The following NCKAP5 variants were observed in gnomAD, a reference collection of about 807,000 sequenced individuals.
NCKAP5 encodes the protein nck-associated protein 5.
A neutral mutation model predicts 167.0 loss-of-function variants in NCKAP5; 92 were observed. That is an observed-to-expected ratio of 0.55 (90% CI 0.47 to 0.66). The LOEUF (loss-of-function observed/expected upper bound fraction) is 0.66, where lower values mean the gene tolerates loss of function less well. Ranked by LOEUF, NCKAP5 falls within the 30% of genes least tolerant of loss-of-function variation. The pLI is 0.00. For missense variants in NCKAP5, 2,378 were observed against 2,315.0 expected (o/e 1.03, Z -0.56); for synonymous variants, 891 against 877.4 (o/e 1.02, Z -0.27).
chr2:132,704,017 T>C (rs1202667400), intron 19 of NCKAP5, among the ~76,000 whole-genome samples: 7 of 152,134 alleles, frequency 4.6e-5, no homozygotes, highest in Non-Finnish European at 8.8e-5. Flanking sequence ...TGAAGCCATC[T>C]CTTACCCTTC....
At chr2:132,829,747 G>A (rs554500576) in intron 11 of NCKAP5, among the ~76,000 whole-genome samples, 4 of 152,274 alleles carry the variant, frequency 2.6e-5, no homozygotes, top group African/African-American at 7.2e-5. Flanking sequence ...GGGTGGGCCC[G>A]AGAACTTGCA....
At chr2:133,394,710 C>T (rs1433945496) in intron 3 of NCKAP5, among the ~76,000 whole-genome samples, 1 of 152,130 alleles carries the variant, frequency 6.6e-6, no homozygotes, top group East Asian at 1.9e-4. Flanking sequence ...CTTCAAAAAA[C>T]ACAGAACACC....
At chr2:132,749,737 A>ACAT (rs1679951317) in intron 16 of NCKAP5, among the ~76,000 whole-genome samples, 1 of 152,042 alleles carries the variant, frequency 6.6e-6, no homozygotes, top group Admixed American at 6.6e-5. Context: ...AAGACAAAAT[A>ACAT]CATGGGGGAA....
intron 4 of NCKAP5, among the ~76,000 whole-genome samples, chr2:133,293,080 CAG>C (rs1346505220): frequency 6.6e-6 from 1 of 152,202 alleles, no homozygotes; most frequent in African/African-American, 2.4e-5. Context: ...TTCTGCAGGA[CAG>C]AGTCTCCTAA....
chr2:133,024,608 C>T (rs968965846), intron 6 of NCKAP5, among the ~76,000 whole-genome samples: 1 of 152,098 alleles, frequency 6.6e-6, no homozygotes, highest in African/African-American at 2.4e-5. Flanking sequence ...ATTATAATTT[C>T]CCCATATTGA....
chr2:132,763,970 A>G (rs1037525005), intron 16 of NCKAP5, among the ~76,000 whole-genome samples: 1 of 152,228 alleles, frequency 6.6e-6, no homozygotes, highest in South Asian at 2.1e-4. Flanking sequence ...TGCAATCGAT[A>G]GGAGTAAACA....
At chr2:133,109,042 A>G (rs1560887) in intron 6 of NCKAP5, among the ~76,000 whole-genome samples, 1 of 152,046 alleles carries the variant, frequency 6.6e-6, no homozygotes, top group South Asian at 2.1e-4. Flanking sequence ...CTTGTTAAGG[A>G]CTAACCATTC....
At chr2:133,435,330 T>G (rs991237640) in intron 3 of NCKAP5, among the ~76,000 whole-genome samples, 1 of 152,222 alleles carries the variant, frequency 6.6e-6, no homozygotes, top group Non-Finnish European at 1.5e-5. Context: ...TAATTATTTT[T>G]TTAATCCCTG....
At chr2:133,279,297 T>C (rs773760208) in intron 4 of NCKAP5, among the ~76,000 whole-genome samples, 20 of 152,366 alleles carry the variant, frequency 1.3e-4, no homozygotes, top group Non-Finnish European at 2.4e-4. Context: ...TATCCCTATT[T>C]TATGGCTTAT....
At chr2:132,727,546 G>T (rs1467105856) in intron 18 of NCKAP5, among the ~76,000 whole-genome samples, 1 of 152,218 alleles carries the variant, frequency 6.6e-6, no homozygotes, top group Non-Finnish European at 1.5e-5. Flanking sequence ...CAAGATTGTA[G>T]CCCTTCAGGT....
intron 6 of NCKAP5, among the ~76,000 whole-genome samples, chr2:133,007,464 C>G (rs905231750): frequency 6.6e-6 from 1 of 152,122 alleles, no homozygotes; most frequent in African/African-American, 2.4e-5. Context: ...GCACCTCTCT[C>G]CAAGTTTCAG....
chr2:133,250,928 T>TCAAA (rs201137645), intron 4 of NCKAP5, among the ~76,000 whole-genome samples: 56 of 151,832 alleles, frequency 3.7e-4, no homozygotes, highest in South Asian at 2.1e-4. Flanking sequence ...AGACCCTGTC[T>TCAAA]CAAACAAACA....
At chr2:133,516,331 A>G (rs10176630) in intron 3 of NCKAP5, among the ~76,000 whole-genome samples, 2,742 of 152,222 alleles carry the variant, frequency 0.018, 91 homozygotes, top group African/African-American at 0.062. Flanking sequence ...TGGAGTTAGC[A>G]AGACGTAGGA....
the NCKAP5 span, among the ~76,000 whole-genome samples, chr2:133,671,074 G>T: frequency 6.6e-6 from 1 of 151,958 alleles, no homozygotes; most frequent in East Asian, 1.9e-4. Flanking sequence ...AATTAGCTGG[G>T]CGTGGTGGCA....
chr2:133,532,250 ATT>A (rs1685426921), intron 2 of NCKAP5, among the ~76,000 whole-genome samples: 1 of 152,214 alleles, frequency 6.6e-6, no homozygotes, highest in Admixed American at 6.5e-5. Flanking sequence ...AAGAATGGGT[ATT>A]AGTTGTCTTA....
chr2:132,748,018 A>G (rs776310445), intron 16 of NCKAP5, among the ~76,000 whole-genome samples: 22 of 152,160 alleles, frequency 1.4e-4, no homozygotes, highest in Non-Finnish European at 2.6e-4. Flanking sequence ...AATGGTGAAG[A>G]ATGGTATTAG....
intron 6 of NCKAP5, among the ~76,000 whole-genome samples, chr2:133,029,009 C>T (rs1312232647): frequency 6.6e-6 from 1 of 152,178 alleles, no homozygotes; most frequent in Non-Finnish European, 1.5e-5. Flanking sequence ...GAGGCCTCCC[C>T]AGAAGCAGAT....
At chr2:133,065,548 C>G (rs2080162671) in intron 6 of NCKAP5, among the ~76,000 whole-genome samples, 1 of 152,164 alleles carries the variant, frequency 6.6e-6, no homozygotes, top group Admixed American at 6.5e-5. Context: ...TTGCCTGAAC[C>G]CGGGAGGCAG....
chr2:133,148,769 A>T (rs2083287032), intron 5 of NCKAP5, among the ~76,000 whole-genome samples: 1 of 152,110 alleles, frequency 6.6e-6, no homozygotes, highest in East Asian at 1.9e-4. Context: ...TGATAAAGTC[A>T]TGTTAATCCT....
Sources: gnomAD v4.1 joint callset for allele counts (sites outside exome capture counted in the v4.1 genomes callset) on GRCh38, gnomAD v4.1.1 for gene constraint, MANE v1.5 for transcripts, NCBI Gene and HGNC (gene_info 2026-07-23, HGNC 2026-07-21) for gene names.